Variants in PCDH15 observed in about 807,000 individuals in gnomAD.
PCDH15 encodes the protein protocadherin-15.
PCDH15 carries 129 observed loss-of-function variants against 178.5 expected under a neutral mutation model. The observed-to-expected ratio is 0.72, with a 90% CI of 0.63 to 0.84. The LOEUF (loss-of-function observed/expected upper bound fraction) is 0.84, where lower values mean the gene tolerates loss of function less well. Among genes scored for constraint, PCDH15 ranks in the 40% least tolerant of loss-of-function variants. The probability of loss-of-function intolerance (pLI) is 0.00; values close to 1 mark genes in which losing one functional copy is unlikely to be tolerated. For synonymous variants in PCDH15, 800 were observed against 732.0 expected (o/e 1.09, Z -1.50); for missense variants, 2,230 against 2,099.9 (o/e 1.06, Z -1.21).
chr10:53,862,567 CA>C (rs1428762434), intron 27 of PCDH15, among the ~76,000 whole-genome samples: 4 of 152,242 alleles, frequency 2.6e-5, no homozygotes, highest in East Asian at 1.9e-4. Context: ...GTGACAGGTA[CA>C]TTTTTTTAAT....
intron 2 of PCDH15, among the ~76,000 whole-genome samples, chr10:54,535,268 C>G (rs2084350791): frequency 6.6e-6 from 1 of 152,154 alleles, no homozygotes; most frequent in South Asian, 2.1e-4. Flanking sequence ...TTCATCAATA[C>G]AATTTACTCT....
At chr10:55,170,565 A>G (rs1214711088) in intron 1 of PCDH15, among the ~76,000 whole-genome samples, 4 of 152,148 alleles carry the variant, frequency 2.6e-5, no homozygotes, top group Admixed American at 2.6e-4. Context: ...AGTAGCAGGT[A>G]TATGTACAGG....
intron 2 of PCDH15, among the ~76,000 whole-genome samples, chr10:55,326,097 T>C (rs1420726600): frequency 1.3e-5 from 2 of 152,146 alleles, no homozygotes; most frequent in Non-Finnish European, 2.9e-5. Flanking sequence ...TAACAGATGC[T>C]GGTGAGGTTG....
intron 2 of PCDH15, among the ~76,000 whole-genome samples, chr10:54,902,221 T>TA (rs1472244083): frequency 6.6e-6 from 1 of 152,174 alleles, no homozygotes; most frequent in Admixed American, 6.6e-5. Context: ...TCATGTCAGA[T>TA]AAAAAACAAA....
chr10:55,284,185 G>C (rs1842808491), intron 1 of PCDH15, among the ~76,000 whole-genome samples: 1 of 152,090 alleles, frequency 6.6e-6, no homozygotes, highest in Non-Finnish European at 1.5e-5. Context: ...CCTTTAGATA[G>C]CTACTCAGGC....
intron 13 of PCDH15, among the ~76,000 whole-genome samples, chr10:54,179,286 G>C (rs973639462): frequency 6.6e-6 from 1 of 151,976 alleles, no homozygotes; most frequent in African/African-American, 2.4e-5. Context: ...AGATGAAATT[G>C]GGAATCATCA....
At chr10:55,509,745 T>C (rs1387776666) in intron 2 of PCDH15, among the ~76,000 whole-genome samples, 1 of 151,898 alleles carries the variant, frequency 6.6e-6, no homozygotes, top group Non-Finnish European at 1.5e-5. Flanking sequence ...GCAATCTACA[T>C]TTAATTTTAA....
intron 2 of PCDH15, among the ~76,000 whole-genome samples, chr10:55,578,748 G>T (rs970347099): frequency 1.3e-5 from 2 of 152,136 alleles, no homozygotes; most frequent in African/African-American, 4.8e-5. Context: ...CAATCATGTT[G>T]GAAGGGGAAG....
intron 15 of PCDH15, among the ~76,000 whole-genome samples, chr10:54,113,163 C>G (rs1476251931): frequency 6.6e-6 from 1 of 151,944 alleles, no homozygotes; most frequent in Non-Finnish European, 1.5e-5. Flanking sequence ...AGGCATTTCT[C>G]CAAATTCAAA....
At chr10:55,290,415 T>C (rs1198942378) in intron 1 of PCDH15, among the ~76,000 whole-genome samples, 2 of 152,164 alleles carry the variant, frequency 1.3e-5, no homozygotes, top group Non-Finnish European at 2.9e-5. Context: ...ATTTTCTGTA[T>C]GTTTTGCATA....
At chr10:54,839,720 T>C (rs1432780469) in intron 3 of PCDH15, among the ~76,000 whole-genome samples, 1 of 152,020 alleles carries the variant, frequency 6.6e-6, no homozygotes, top group Admixed American at 6.6e-5. Flanking sequence ...TACAATCAAA[T>C]TGCCAAATGT....
At chr10:55,116,672 G>C (rs1347635182) in intron 2 of PCDH15, among the ~76,000 whole-genome samples, 1 of 152,118 alleles carries the variant, frequency 6.6e-6, no homozygotes, top group Non-Finnish European at 1.5e-5. Context: ...TTCCACAATA[G>C]AATCATGGAA....
At chr10:53,986,462 C>T (rs1190141705) in intron 21 of PCDH15, among the ~76,000 whole-genome samples, 1 of 152,104 alleles carries the variant, frequency 6.6e-6, no homozygotes, top group Admixed American at 6.5e-5. Flanking sequence ...CCAGTAGTTC[C>T]ACTTTTGGGA....
intron 2 of PCDH15, among the ~76,000 whole-genome samples, chr10:55,384,525 TTTTG>T (rs971509681): frequency 5.1e-4 from 78 of 151,926 alleles, no homozygotes; most frequent in Non-Finnish European, 1.0e-3. Context: ...AATCATCTGG[TTTTG>T]TTTGTTTGTT....
intron 2 of PCDH15, among the ~76,000 whole-genome samples, chr10:54,944,499 G>C (rs1006550240): frequency 1.3e-5 from 2 of 151,884 alleles, no homozygotes; most frequent in African/African-American, 4.8e-5. Flanking sequence ...TCTGGATTTT[G>C]GGGACTAATG....
chr10:54,501,758 T>C (rs57282373), intron 3 of PCDH15, among the ~76,000 whole-genome samples: 5,061 of 152,176 alleles, frequency 0.033, 300 homozygotes, highest in African/African-American at 0.12. Context: ...ATTATACATA[T>C]AAAAGTATAT....
At chr10:54,335,365 T>A (rs1225066791) in intron 6 of PCDH15, among the ~76,000 whole-genome samples, 2 of 152,200 alleles carry the variant, frequency 1.3e-5, no homozygotes, top group Admixed American at 6.5e-5. Flanking sequence ...AGTGGTCGCA[T>A]ACTCTGTGTT....
chr10:55,609,023 C>T (rs1157141142), intron 2 of PCDH15, among the ~76,000 whole-genome samples: 18 of 151,588 alleles, frequency 1.2e-4, no homozygotes, highest in African/African-American at 3.6e-4. Context: ...TATACACACA[C>T]ACACACACAC....
At chr10:54,158,130 C>T (rs2133395311) in intron 13 of PCDH15, among the ~76,000 whole-genome samples, 1 of 152,256 alleles carries the variant, frequency 6.6e-6, no homozygotes, top group South Asian at 2.1e-4. Flanking sequence ...AAATTGCTTC[C>T]ACATTTTCAG....
Sources: allele counts gnomAD v4.1 joint callset (sites outside exome capture counted in the v4.1 genomes callset), GRCh38; gene constraint gnomAD v4.1.1; transcripts MANE v1.5; gene names NCBI Gene and HGNC (gene_info 2026-07-23, HGNC 2026-07-21).